Variants in CLCNKA observed in about 807,000 individuals in gnomAD.
CLCNKA encodes chloride channel protein ClC-Ka.
A neutral mutation model predicts 83.3 loss-of-function variants in CLCNKA; 66 were observed. The observed-to-expected ratio is 0.79, with a 90% CI of 0.65 to 0.97. The LOEUF (loss-of-function observed/expected upper bound fraction) is 0.97, where lower values mean the gene tolerates loss of function less well. Among genes scored for constraint, CLCNKA ranks in the 50% least tolerant of loss-of-function variants. CLCNKA has a pLI of 0.00. For synonymous variants in CLCNKA, 357 were observed against 370.4 expected (o/e 0.96, Z 0.42); for missense variants, 806 against 888.7 (o/e 0.91, Z 1.18).
Position 16,030,207 on chromosome 1 carries a change from G to T in CLCNKA, c.1408+132G>T, listed in dbSNP as rs34292424. Reference sequence around the variant, plus strand: ...AGTGAACCCCCTACCCCTCATGGGGGTCTGTCCCTCCTGAGCCCCACCATT... The same window carrying T: ...AGTGAACCCCCTACCCCTCATGGGGTTCTGTCCCTCCTGAGCCCCACCATT... On this transcript the variant is annotated intron_variant, in intron 14 of 19. Transcript: ENST00000331433. 1.1e-3 allele frequency: 825 copies of T among 758,422 alleles called. 10 individuals are homozygous for T. The highest frequency in any genetic ancestry group is 1.3e-4 in the Non-Finnish European group (61 of 455,434). The allele number at this position is 758,422 out of a possible 1,614,324, so 47.0% of individuals were successfully genotyped here.
At chr1:16,033,583 C>T (rs575487156) in intron 19 of CLCNKA, 28 bp from the exon 20 acceptor site, 2 of 1,096,658 alleles carry the variant, frequency 1.8e-6, no homozygotes. Context: ...ACATCCCCCC[C>T]CACCTCCACC....
In CLCNKA at chr1:16,026,721, C is replaced by G. The variant is rs1267876113; in HGVS notation, c.601C>G (p.Leu201Val). Residue 201 changes from leucine to valine, a missense_variant, in exon 7 of 20, where the codon CTG (leucine) becomes GTG (valine). Physicochemically the swap from Leu to Val is conservative, Grantham distance 32 (BLOSUM62 1). Transcript: ENST00000331433. ...PENKSKQNEM[L>V]VAAAAVGVAT... ...GAACAAGAGCAAGCAAAACGAAATG[C>G]TGGTGGCAGCGGCGGCAGTGGGCGT... 1 of 1,613,654 alleles carries G rather than the reference C, an allele frequency of 6.2e-7. No individual in the cohort carries two copies. Among genetic ancestry groups the G allele is most frequent in the Non-Finnish European group, 8.5e-7 (1 of 1,179,850 alleles).
rs996692443 is a variant in CLCNKA, at chr1:16,026,230, C to G, written c.481C>G (p.Leu161Val). The G allele has an allele frequency of 6.2e-7, 1 of 1,613,820 alleles. No individual in the cohort carries two copies. The highest frequency in any genetic ancestry group is 1.3e-5 in the African/African-American group (1 of 74,922). The change falls in exon 5 of 20, where the codon CTG (leucine) becomes GTG (valine). Residue 161 changes from leucine (L) to valine (V), a missense_variant. Physicochemically the swap from Leu to Val is conservative, Grantham distance 32 (BLOSUM62 1). Coordinates refer to ENST00000331433, the MANE Select transcript of CLCNKA (RefSeq NM_004070.4). ...LSCTLATGSTLFLGKVGPFVH... is the reference protein window; with the variant it reads ...LSCTLATGSTVFLGKVGPFVH... ...CTGCACCCTGGCCACCGGCAGCACCCTGTTCCTGGGCAAAGTGGTATGGTC... is the reference window on the plus strand; with the variant it reads ...CTGCACCCTGGCCACCGGCAGCACCGTGTTCCTGGGCAAAGTGGTATGGTC...
chr1:16,031,510 C>T (rs1337412118), intron 15 of CLCNKA, among the ~76,000 whole-genome samples, 200 bp from the exon 16 acceptor site: 1 of 152,176 alleles, frequency 6.6e-6, no homozygotes, highest in Non-Finnish European at 1.5e-5. Context: ...GGATTTGGAA[C>T]TGGGCCATCA....
Position 16,033,196 on chromosome 1 carries a change from C to A in CLCNKA, c.1956C>A (p.Asn652Lys). The change falls in exon 19 of 20, where the codon AAC (asparagine) becomes AAA (lysine). Residue 652 changes from asparagine to lysine, a missense_variant. Transcript: ENST00000331433. Reference protein sequence around the residue: ...HQAQNLFKLLNLQSLFVTSRG... With the variant: ...HQAQNLFKLLKLQSLFVTSRG... ...CACAAAACCTCTTTAAGCTGTTGAACCTTCAGTCCCTCTTCGTGACATCGC... is the reference window on the plus strand; with the variant it reads ...CACAAAACCTCTTTAAGCTGTTGAAACTTCAGTCCCTCTTCGTGACATCGC... The A allele has an allele frequency of 1.9e-6, 3 of 1,614,200 alleles. No homozygotes were observed. The Admixed American group carries it at 5.0e-5, about 27-fold the overall frequency.
In CLCNKA at chr1:16,033,764, C is replaced by G. The variant is rs1183788834; in HGVS notation, c.*106C>G. ...TCACCACCTGCCCCTCCCTCCAGCC[C>G]AGCTCCATTCTTTGGCATAACAGGC... On this transcript the variant is annotated 3_prime_UTR_variant, in exon 20 of 20. Transcript: ENST00000331433. The G allele has an allele frequency of 2.7e-6, 3 of 1,113,902 alleles. No homozygotes were observed. The highest frequency in any genetic ancestry group is 3.1e-5 in the African/African-American group (2 of 64,456). The allele number at this position is 1,113,902 out of a possible 1,614,324, so 69.0% of individuals were successfully genotyped here.
chr1:16,023,300 A>G (rs954669123), intron 2 of CLCNKA, among the ~76,000 whole-genome samples: 7 of 152,360 alleles, frequency 4.6e-5, no homozygotes, highest in Non-Finnish European at 7.4e-5. Flanking sequence ...TGGGACACGC[A>G]GAAGTCTGCT....
intron 13 of CLCNKA, 65 bp downstream of exon 13, chr1:16,029,865 T>G (rs1174660717): frequency 6.2e-7 from 1 of 1,607,750 alleles, no homozygotes; most frequent in East Asian, 2.2e-5. Flanking sequence ...TGCATCCTGG[T>G]TCACCCTCTT....
rs1361373840 is a variant in CLCNKA at position 16,023,917 on chromosome 1, G to A, written c.218G>A (p.Cys73Tyr). Residue 73 changes from cysteine (C) to tyrosine (Y), a missense_variant, in exon 3 of 20, where the codon TGT becomes TAT. Physicochemically the swap from Cys to Tyr is radical, Grantham distance 194. Coordinates refer to ENST00000331433, the MANE Select transcript of CLCNKA (RefSeq NM_004070.4). ...TATGCCATGAACTTTGCCATCGGGT[G>A]TGTGGTCCGAGGTAACTCTTCCCTG... ...VSYAMNFAIG[C>Y]VVRAHQWLYR... 9.9e-6 allele frequency: 16 copies of A among 1,614,156 alleles called. No individual in the cohort carries two copies. The Middle Eastern group carries it at 2.5e-3, about 250-fold the overall frequency.
At chr1:16,028,551 A>C in intron 10 of CLCNKA, 1 of 697,520 alleles carries the variant, frequency 1.4e-6, no homozygotes, top group Non-Finnish European at 2.6e-6. Context: ...CTCTGCCCTC[A>C]GTCATACCCA....
At position 16,028,249 on chromosome 1, in the gene CLCNKA, C is replaced by T. The variant is rs2022457618; in HGVS notation, c.968+130C>T. On this transcript the variant is annotated intron_variant, in intron 10 of 19. Transcript: ENST00000331433. The stretch of plus-strand genomic sequence containing the variant: ...CCTCCCTAGCCCGTGGAGCATCTAA[C>T]AACCCTCTCCAAGTCCCCACAGTCA... 4.8e-6 allele frequency: 4 copies of T among 841,532 alleles called. No homozygotes were observed. In the Admixed American group the frequency reaches 8.0e-5, roughly 17 times the overall value. 52.1% of individuals were successfully genotyped at this position (841,532 alleles called of 1,614,324 possible). A position where few individuals can be genotyped will look rare whatever the true frequency, so the allele number is the denominator to read the frequency against.
In CLCNKA at chr1:16,030,398, C is replaced by T; in HGVS notation, c.1409-63C>T. 5 of 1,591,216 alleles carry T rather than the reference C, an allele frequency of 3.1e-6. No individual in the cohort carries two copies. The South Asian group carries it at 5.5e-5, about 18-fold the overall frequency. On this transcript the variant is annotated intron_variant, in intron 14 of 19. Coordinates refer to ENST00000331433, the MANE Select transcript of CLCNKA (RefSeq NM_004070.4). ...CCGGCAGCAGCCAGGCTAGTTATTC[C>T]CTCACATCAGGCTGGCCCCTGCCTC...
In CLCNKA at chr1:16,026,635, T is replaced by C. The variant is rs777644672; in HGVS notation, c.576+22T>C. On this transcript the variant is annotated intron_variant, in intron 6 of 19. Coordinates refer to ENST00000331433, the MANE Select transcript of CLCNKA (RefSeq NM_004070.4). ...TGAGGTTAGGGACTCGGGGGCTTCCTTGGAGAAATGGGAGTGGGGAGGGAG... is the reference window on the plus strand; with the variant it reads ...TGAGGTTAGGGACTCGGGGGCTTCCCTGGAGAAATGGGAGTGGGGAGGGAG... 14 of 1,613,818 alleles carry C rather than the reference T, an allele frequency of 8.7e-6. No homozygotes were observed. The Middle Eastern group carries it at 1.3e-3, about 153-fold the overall frequency.
chr1:16,026,892 A>C, intron 7 of CLCNKA, 117 bp downstream of exon 7: 9 of 1,399,228 alleles, frequency 6.4e-6, no homozygotes, highest in Non-Finnish European at 9.0e-6. Context: ...TCTTGTTCTC[A>C]CTTCAGCCCC....
Position 16,029,740 on chromosome 1 carries a change from C to T in CLCNKA, c.1237C>T (p.Leu413=). ...AFFLVMKFWM[L]ILATTIPMPA... ...CTCCCCCTTCCTGCAGTTCTGGATGCTGATTCTGGCCACCACCATCCCCAT... is the reference window on the plus strand; with the variant it reads ...CTCCCCCTTCCTGCAGTTCTGGATGTTGATTCTGGCCACCACCATCCCCAT... The change falls in exon 13 of 20, where the codon CTG becomes TTG. Residue 413 remains leucine (L), a synonymous_variant. Transcript: ENST00000331433. The T allele has an allele frequency of 6.2e-7, 1 of 1,614,174 alleles. No homozygotes were observed. The highest frequency in any genetic ancestry group is 1.1e-5 in the South Asian group (1 of 91,090).
rs2022191894 is a variant in CLCNKA at position 16,022,825 on chromosome 1, G to A, written c.100+106G>A. 2.1e-5 allele frequency: 17 copies of A among 816,384 alleles called. No individual in the cohort carries two copies. In the South Asian group the frequency reaches 3.1e-4, roughly 15 times the overall value. 50.6% of individuals were successfully genotyped at this position (816,384 alleles called of 1,614,324 possible). The stretch of plus-strand genomic sequence containing the variant: ...CCCAGGAACCACCCTCCTGTCATTT[G>A]TCCAGGACATGACTGCCCAAAGTCT... On this transcript the variant is annotated intron_variant, in intron 2 of 19. Transcript: ENST00000331433.
chr1:16,029,345 TG>T, intron 12 of CLCNKA, 46 bp downstream of exon 12: 1 of 1,612,960 alleles, frequency 6.2e-7, no homozygotes, highest in Non-Finnish European at 8.5e-7. Context: ...GGACCAGCTC[TG>T]GTGGGGAGGG....
At chr1:16,027,257 C>A in intron 7 of CLCNKA, 53 bp from the exon 8 acceptor site, 1 of 1,610,476 alleles carries the variant, frequency 6.2e-7, no homozygotes, top group Non-Finnish European at 8.5e-7. Context: ...GGGGGCCCTA[C>A]AGCCACAGGT....
chr1:16,026,034 G>C, intron 4 of CLCNKA, 74 bp from the exon 5 acceptor site: 1 of 1,600,314 alleles, frequency 6.2e-7, no homozygotes, highest in South Asian at 1.1e-5. Context: ...GATTACAGGC[G>C]TGAGCCACTG....
Sources: allele counts gnomAD v4.1 joint callset (sites outside exome capture counted in the v4.1 genomes callset), GRCh38; gene constraint gnomAD v4.1.1; transcripts MANE v1.5; gene names NCBI Gene and HGNC (gene_info 2026-07-23, HGNC 2026-07-21).